The following PLXDC1 variants were observed in gnomAD, a reference collection of about 807,000 sequenced individuals.
PLXDC1 encodes the protein plexin domain containing 1.
A neutral mutation model predicts 61.3 loss-of-function variants in PLXDC1; 39 were observed. The observed-to-expected ratio is 0.64, with a 90% CI of 0.49 to 0.83. PLXDC1 has a LOEUF of 0.83. Among genes scored for constraint, PLXDC1 ranks in the 40% least tolerant of loss-of-function variants. PLXDC1 has a pLI of 0.00. For missense variants in PLXDC1, 596 were observed against 666.5 expected (o/e 0.89, Z 1.17); for synonymous variants, 212 against 254.5 (o/e 0.83, Z 1.59).
At chr17:39,100,311 G>A (rs1598196593) in intron 7 of PLXDC1, among the ~76,000 whole-genome samples, 1 of 152,196 alleles carries the variant, frequency 6.6e-6, no homozygotes, top group East Asian at 1.9e-4. Flanking sequence ...TGAGGAGTGA[G>A]GTGGTGCGAT....
chr17:39,078,978 G>T, intron 10 of PLXDC1, 126 bp downstream of exon 10: 1 of 750,112 alleles, frequency 1.3e-6, no homozygotes, highest in Non-Finnish European at 2.3e-6. Flanking sequence ...ATCTTAGATG[G>T]AAGGGAGGAT....
chr17:39,093,340 G>A (rs929702193), intron 7 of PLXDC1, among the ~76,000 whole-genome samples: 7 of 152,098 alleles, frequency 4.6e-5, no homozygotes, highest in Non-Finnish European at 7.4e-5. Flanking sequence ...CCAAAGTGCT[G>A]GGGTTACAGG....
chr17:39,150,567 T>C (rs1161372886), intron 1 of PLXDC1, among the ~76,000 whole-genome samples: 3 of 152,096 alleles, frequency 2.0e-5, no homozygotes. Context: ...AATTATACCA[T>C]GAGGGATTCC....
At position 39,069,452 on chromosome 17, in the gene PLXDC1, C is replaced by G. The variant is rs868092156; in HGVS notation, c.1383+404G>C. Among the ~76,000 whole-genome samples the G allele has an allele frequency of 3.3e-5, 5 of 152,140 alleles. No homozygotes were observed. The South Asian group carries it at 6.2e-4, about 19-fold the overall frequency. ...TATCAGTAGGCAAAAGAGGCAGAGACCCTGGTTCCCTCATGGCTTTGAGTA... is the reference window on the plus strand; with the variant it reads ...TATCAGTAGGCAAAAGAGGCAGAGAGCCTGGTTCCCTCATGGCTTTGAGTA... On this transcript the variant is annotated intron_variant, in intron 13 of 13. Coordinates refer to ENST00000315392, the MANE Select transcript of PLXDC1 (RefSeq NM_020405.5).
chr17:39,120,120 C>T (rs1486759618), intron 2 of PLXDC1, among the ~76,000 whole-genome samples: 4 of 152,178 alleles, frequency 2.6e-5, no homozygotes, highest in East Asian at 1.9e-4. Context: ...GGTTAAATCA[C>T]GCACCCCTGC....
chr17:39,134,996 A>C (rs374884618), intron 2 of PLXDC1, among the ~76,000 whole-genome samples: 1 of 152,162 alleles, frequency 6.6e-6, no homozygotes, highest in African/African-American at 2.4e-5. Flanking sequence ...GGGATCCCCA[A>C]ATCTTTTCCT....
chr17:39,144,618 C>T (rs1474743055), intron 1 of PLXDC1: 1 of 152,258 alleles, frequency 6.6e-6, no homozygotes, highest in Non-Finnish European at 1.5e-5. Flanking sequence ...CAAAGACTTT[C>T]CTGAAAGCCT....
chr17:39,096,139 G>C (rs2143570941), intron 7 of PLXDC1, among the ~76,000 whole-genome samples: 1 of 152,302 alleles, frequency 6.6e-6, no homozygotes, highest in East Asian at 1.9e-4. Flanking sequence ...TAAGAGGTTG[G>C]GTTGGGAAAA....
At chr17:39,133,711 T>C (rs933883875) in intron 2 of PLXDC1, among the ~76,000 whole-genome samples, 1 of 152,136 alleles carries the variant, frequency 6.6e-6, no homozygotes, top group Non-Finnish European at 1.5e-5. Flanking sequence ...CTCCAACACC[T>C]GGGCTCACGC....
At chr17:39,145,946 C>A (rs1323846189) in intron 1 of PLXDC1, among the ~76,000 whole-genome samples, 1 of 152,164 alleles carries the variant, frequency 6.6e-6, no homozygotes, top group African/African-American at 2.4e-5. Context: ...AGTCGCCCTG[C>A]CTTCCCTGGG....
chr17:39,096,042 G>A (rs1910185005), intron 7 of PLXDC1, among the ~76,000 whole-genome samples: 1 of 152,246 alleles, frequency 6.6e-6, no homozygotes, highest in Admixed American at 6.5e-5. Context: ...CCATGGGAGA[G>A]TGCTGGCTTG....
intron 2 of PLXDC1, among the ~76,000 whole-genome samples, chr17:39,115,976 G>T (rs963396959): frequency 6.6e-6 from 1 of 152,016 alleles, no homozygotes; most frequent in South Asian, 2.1e-4. Flanking sequence ...TTAGCTGGGT[G>T]TGGTGGCGCA....
At position 39,146,430 on chromosome 17, in the gene PLXDC1, A is replaced by G. The variant is rs548756366; in HGVS notation, c.76+4932T>C. On this transcript the variant is annotated intron_variant, in intron 1 of 13. Transcript: ENST00000315392. ...AGTGGCTCATGCCTATAATCCCAAC[A>G]CTTTGGGAGGGTGAGGTGGTGGGAT... Among the ~76,000 whole-genome samples, 512 of 152,090 alleles carry G rather than the reference A, an allele frequency of 3.4e-3. 2 individuals are homozygous for G. The highest frequency in any genetic ancestry group is 0.012 in the African/African-American group (485 of 41,544).
Position 39,086,672 on chromosome 17 carries a change from G to A in PLXDC1, c.907+935C>T, listed in dbSNP as rs534837416. ...AGGTCAGGAGTTCAAAACCAGCCTGGCCGACAGAGTGAAACCCTATTTCTA... is the reference window on the plus strand; with the variant it reads ...AGGTCAGGAGTTCAAAACCAGCCTGACCGACAGAGTGAAACCCTATTTCTA... On this transcript the variant is annotated intron_variant, in intron 8 of 13. Coordinates refer to ENST00000315392, the MANE Select transcript of PLXDC1 (RefSeq NM_020405.5). Among the ~76,000 whole-genome samples, 184 of 152,044 alleles carry A rather than the reference G, an allele frequency of 1.2e-3. 2 individuals carry two copies. Among genetic ancestry groups the A allele is most frequent in the South Asian group, 0.012 (57 of 4,802 alleles).
chr17:39,084,336 A>G (rs1418164777), intron 8 of PLXDC1, among the ~76,000 whole-genome samples: 1 of 152,224 alleles, frequency 6.6e-6, no homozygotes. Context: ...TGCTCTTGCC[A>G]CAAGAACAAA....
chr17:39,076,192 C>T (rs983491806), intron 11 of PLXDC1, among the ~76,000 whole-genome samples: 20 of 151,742 alleles, frequency 1.3e-4, no homozygotes, highest in Non-Finnish European at 2.4e-4. Flanking sequence ...TGCCCCTTTA[C>T]GAGCCTCTTT....
chr17:39,139,766 G>C lies in PLXDC1; in HGVS notation c.143C>G (p.Ala48Gly). The C allele has an allele frequency of 6.2e-7, 1 of 1,613,936 alleles. No homozygotes were observed. Among genetic ancestry groups the C allele is most frequent in the Non-Finnish European group, 8.5e-7 (1 of 1,180,022 alleles). ...KGTVRGWNRR[A>G]RESPGHVSEP... ...TGACACATGCCCAGGGCTCTCTCGG[G>C]CTCTCCGGTTCCAGCCCCGCACGGT... Residue 48 changes from alanine (A) to glycine (G), a missense_variant, in exon 2 of 14, where the codon GCC becomes GGC. By Grantham distance (60) the Ala-to-Gly change is moderately conservative (BLOSUM62 0). Transcript: ENST00000315392.
intron 11 of PLXDC1, among the ~76,000 whole-genome samples, chr17:39,074,912 A>G (rs923035166): frequency 2.6e-5 from 4 of 152,108 alleles, no homozygotes; most frequent in African/African-American, 9.7e-5. Context: ...AGCTCCCCAA[A>G]GGGCAAAGTT....
upstream of PLXDC1, among the ~76,000 whole-genome samples, chr17:39,152,228 G>A (rs1173519315): frequency 1.3e-5 from 2 of 149,010 alleles, no homozygotes; most frequent in Non-Finnish European, 3.0e-5. Flanking sequence ...CCTAGCAGAC[G>A]TGAGGGTGGA....
Sources: gnomAD v4.1 joint callset for allele counts (sites outside exome capture counted in the v4.1 genomes callset) on GRCh38, gnomAD v4.1.1 for gene constraint, MANE v1.5 for transcripts, NCBI Gene and HGNC (gene_info 2026-07-23, HGNC 2026-07-21) for gene names.